VPS41: variants seen among roughly 807,000 people sequenced by gnomAD.
The protein encoded by VPS41 is vacuolar protein sorting-associated protein 41 homolog.
Under a neutral mutation model 130.9 loss-of-function variants are expected in VPS41, and 85 were observed. That is an observed-to-expected ratio of 0.65 (90% CI 0.55 to 0.78). The LOEUF (loss-of-function observed/expected upper bound fraction) is 0.78, where lower values mean the gene tolerates loss of function less well. Ranked by LOEUF, VPS41 falls within the 30% of genes least tolerant of loss-of-function variation. VPS41 has a pLI of 0.00. For synonymous variants in VPS41, 335 were observed against 332.9 expected, an observed-to-expected ratio of 1.01 and a Z score of -0.07; for missense variants, 874 against 1,018.7, an observed-to-expected ratio of 0.86 and a Z score of 1.93.
chr7:38,805,691 T>G (rs1294500944), intron 7 of VPS41, among the ~76,000 whole-genome samples: 1 of 152,148 alleles, frequency 6.6e-6, no homozygotes, highest in East Asian at 1.9e-4. Context: ...CTGGACACAC[T>G]GGTCAGCATT....
chr7:38,828,119 A>T (rs1413042184), intron 5 of VPS41, among the ~76,000 whole-genome samples: 2 of 152,196 alleles, frequency 1.3e-5, no homozygotes, highest in African/African-American at 4.8e-5. Context: ...AAATATTCCA[A>T]CCCAGAATTT....
chr7:38,755,016 C>CCACA, intron 19 of VPS41, 80 bp from the exon 20 acceptor site: 1 of 1,331,894 alleles, frequency 7.5e-7, no homozygotes, highest in Non-Finnish European at 1.1e-6. Context: ...AGTGTACCTA[C>CCACA]CACAGTTCAC....
chr7:38,812,355 A>C (rs1784961085), intron 7 of VPS41, among the ~76,000 whole-genome samples: 1 of 152,138 alleles, frequency 6.6e-6, no homozygotes, highest in Non-Finnish European at 1.5e-5. Flanking sequence ...AAAAGAATAA[A>C]TTTGGACTCC....
intron 6 of VPS41, among the ~76,000 whole-genome samples, chr7:38,819,241 C>T (rs1785118757): frequency 6.6e-6 from 1 of 152,250 alleles, no homozygotes; most frequent in African/African-American, 2.4e-5. Context: ...CAGTCCACTT[C>T]CTTCATGCCT....
intron 16 of VPS41, 72 bp downstream of exon 16, chr7:38,765,508 T>C (rs1184467872): frequency 1.9e-6 from 2 of 1,037,378 alleles, no homozygotes; most frequent in Non-Finnish European, 2.9e-6. Context: ...TGAGTACTAT[T>C]ATCTTTGTTT....
At chr7:38,901,584 G>C (rs142705898) in intron 1 of VPS41, among the ~76,000 whole-genome samples, 3 of 152,304 alleles carry the variant, frequency 2.0e-5, no homozygotes, top group Non-Finnish European at 4.4e-5. Context: ...CTATTTCAAG[G>C]ATGGGACCAA....
intron 27 of VPS41, among the ~76,000 whole-genome samples, chr7:38,727,665 T>C (rs1285710030): frequency 2.0e-5 from 3 of 152,218 alleles, no homozygotes; most frequent in African/African-American, 4.8e-5. Context: ...CATCCAAATC[T>C]AATTCCTCTA....
rs546216326 is a variant in VPS41 at position 38,898,525 on chromosome 7, T to C, written c.22-396A>G. On this transcript the variant is annotated intron_variant, in intron 1 of 28. Coordinates refer to ENST00000310301, the MANE Select transcript of VPS41 (RefSeq NM_014396.4). The stretch of plus-strand genomic sequence containing the variant: ...TTTATACTGAAAAGTTCTTGTGCTA[T>C]TAATTATCATGCTATTAATCTGGTT... 5.3e-5 allele frequency among the ~76,000 whole-genome samples: 8 copies of C among 152,374 alleles called. No homozygotes were observed. The South Asian group carries it at 1.5e-3, about 28-fold the overall frequency.
intron 2 of VPS41, among the ~76,000 whole-genome samples, chr7:38,891,368 A>G (rs1786863144): frequency 1.3e-5 from 2 of 152,252 alleles, no homozygotes; most frequent in Non-Finnish European, 2.9e-5. Flanking sequence ...CCCAGTGATA[A>G]TATGGCCTTG....
intron 10 of VPS41, among the ~76,000 whole-genome samples, chr7:38,788,120 C>A (rs1784472095): frequency 6.6e-6 from 1 of 152,120 alleles, no homozygotes; most frequent in Admixed American, 6.5e-5. Context: ...CCATGTTAGG[C>A]ACATTTCTTA....
intron 2 of VPS41, 27 bp downstream of exon 2, chr7:38,898,064 C>A (rs759893398): frequency 2.5e-6 from 4 of 1,610,594 alleles, no homozygotes; most frequent in East Asian, 2.2e-5. Flanking sequence ...AGCTACAAAT[C>A]CGAGGGCTCC....
At position 38,728,759 on chromosome 7, in the gene VPS41, G is replaced by A. The variant is rs201608669; in HGVS notation, c.2292C>T (p.Leu764=). 10 of 1,614,102 alleles carry A rather than the reference G, an allele frequency of 6.2e-6. No homozygotes were observed. Among genetic ancestry groups the A allele is most frequent in the Non-Finnish European group, 8.5e-6 (10 of 1,180,012 alleles). Residue 764 remains leucine (L), a synonymous_variant, in exon 26 of 29, where the codon CTC becomes CTT. Transcript: ENST00000310301. The stretch of plus-strand genomic sequence containing the variant: ...TCAGTAAGGACAAAGAGTCAGCTAC[G>A]AGAATCTTCTTGCAGCCTTCACGAA... ...ILLREGCKKI[L]VADSLSLLKK... is the part of the protein sequence containing the mutation.
chr7:38,797,760 A>C (rs1327574742), intron 7 of VPS41, among the ~76,000 whole-genome samples: 1 of 152,164 alleles, frequency 6.6e-6, no homozygotes, highest in Non-Finnish European at 1.5e-5. Context: ...ACCCCAAAAG[A>C]GGCAGGGGAA....
intron 5 of VPS41, among the ~76,000 whole-genome samples, chr7:38,821,474 C>T (rs915898882): frequency 6.6e-6 from 1 of 152,030 alleles, no homozygotes; most frequent in East Asian, 1.9e-4. Flanking sequence ...AGGCAGAGGC[C>T]GAGGTGGGTG....
At chr7:38,889,154 A>G (rs1365439843) in intron 2 of VPS41, among the ~76,000 whole-genome samples, 2 of 151,690 alleles carry the variant, frequency 1.3e-5, no homozygotes, top group Non-Finnish European at 2.9e-5. Context: ...AAAAAATAAT[A>G]AAAGGGCCAA....
At chr7:38,851,915 T>C (rs1490048398) in intron 4 of VPS41, among the ~76,000 whole-genome samples, 1 of 152,190 alleles carries the variant, frequency 6.6e-6, no homozygotes, top group East Asian at 1.9e-4. Flanking sequence ...TTCCTTGCTA[T>C]AAATTAAACT....
chr7:38,822,198 GAAATAT>G (rs1452612840), intron 5 of VPS41, among the ~76,000 whole-genome samples: 2 of 26,194 alleles, frequency 7.6e-5, no homozygotes, highest in African/African-American at 1.9e-4. Context: ...AAACAAAACT[GAAATAT>G]AAAACACATG....
At position 38,723,287 on chromosome 7, in the gene VPS41, A is replaced by G. The variant is rs1024916077; in HGVS notation, c.*2959T>C. On this transcript the variant is annotated 3_prime_UTR_variant, in exon 29 of 29. Transcript: ENST00000310301. ...TAGCTTTACATTGTAACAACAGCAAAATGAACTACAAATCTGTTGGAAACT... is the reference window on the plus strand; with the variant it reads ...TAGCTTTACATTGTAACAACAGCAAGATGAACTACAAATCTGTTGGAAACT... 1.3e-4 allele frequency: 20 copies of G among 152,202 alleles called. No individual in the cohort carries two copies. Among genetic ancestry groups the G allele is most frequent in the African/African-American group, 4.8e-4 (20 of 41,462 alleles). The allele number at this position is 152,202 out of a possible 1,614,324, so 9.4% of individuals were successfully genotyped here. A position where few individuals can be genotyped will look rare whatever the true frequency, so the allele number is the denominator to read the frequency against.
chr7:38,899,404 T>C (rs1787093070), intron 1 of VPS41, among the ~76,000 whole-genome samples: 1 of 152,210 alleles, frequency 6.6e-6, no homozygotes, highest in South Asian at 2.1e-4. Context: ...AAAACAATTA[T>C]TGCACTACAT....
Sources: gnomAD v4.1 joint callset for allele counts (sites outside exome capture counted in the v4.1 genomes callset) on GRCh38, gnomAD v4.1.1 for gene constraint, MANE v1.5 for transcripts, NCBI Gene and HGNC (gene_info 2026-07-23, HGNC 2026-07-21) for gene names.